ACOT11: variants seen among roughly 807,000 people sequenced by gnomAD.
The protein encoded by ACOT11 is acyl-CoA thioesterase 11, also known as acyl-coenzyme A thioesterase 11.
ACOT11 carries 69 observed loss-of-function variants against 77.5 expected under a neutral mutation model. That is an observed-to-expected ratio of 0.89 (90% confidence interval 0.73 to 1.09). ACOT11 has a LOEUF of 1.09. Ranked by LOEUF, ACOT11 falls within the 50% of genes least tolerant of loss-of-function variation. ACOT11 has a pLI of 0.00. For missense variants in ACOT11, 766 were observed against 813.7 expected (o/e 0.94, Z 0.71); for synonymous variants, 279 against 313.0 (o/e 0.89, Z 1.15).
At chr1:54,586,844 C>T (rs957798347) in intron 3 of ACOT11, among the ~76,000 whole-genome samples, 5 of 152,138 alleles carry the variant, frequency 3.3e-5, no homozygotes, top group African/African-American at 1.2e-4. Context: ...CTTCTGGGAT[C>T]CAAGGAGCAG....
At chr1:54,582,513 CGTG>C in intron 1 of ACOT11, 1 of 985,330 alleles carries the variant, frequency 1.0e-6, no homozygotes, top group South Asian at 4.7e-5. Context: ...TCCTGGCTCC[CGTG>C]GCATAGGGTC....
chr1:54,565,254 G>C (rs746741934), intron 1 of ACOT11, among the ~76,000 whole-genome samples: 5 of 152,194 alleles, frequency 3.3e-5, no homozygotes, highest in Non-Finnish European at 7.3e-5. Flanking sequence ...CTCTTTACCC[G>C]GCAGATCCCA....
intron 1 of ACOT11, among the ~76,000 whole-genome samples, chr1:54,556,947 C>T (rs1569639441): frequency 6.6e-6 from 1 of 151,934 alleles, no homozygotes; most frequent in Non-Finnish European, 1.5e-5. Context: ...CCTCTGTTGC[C>T]CAGGTTGGAG....
Position 54,560,045 on chromosome 1 carries a change from C to G in ACOT11, c.33+11703C>G, listed in dbSNP as rs78059961. On this transcript the variant is annotated intron_variant, in intron 1 of 15. Transcript: ENST00000343744. ...CCTGCCATTCCCAGGGGCAGCCTTG[C>G]GGGTTAGAGGTGACATTGGGGCAGT... 9.8e-5 allele frequency among the ~76,000 whole-genome samples: 15 copies of G among 152,312 alleles called. No homozygotes were observed. In the East Asian group the frequency reaches 2.7e-3, roughly 27 times the overall value.
At chr1:54,550,795 C>T (rs1172881863) in intron 1 of ACOT11, among the ~76,000 whole-genome samples, 1 of 151,848 alleles carries the variant, frequency 6.6e-6, no homozygotes, top group Non-Finnish European at 1.5e-5. Context: ...TGTACTCTAG[C>T]CTGGATGACA....
Position 54,594,557 on chromosome 1 carries a change from T to A in ACOT11, c.473T>A (p.Val158Glu), listed in dbSNP as rs766525787. The change falls in exon 6 of 16, where the codon GTG (valine) becomes GAG (glutamate). Residue 158 changes from valine to glutamate, a missense_variant and splice_region_variant. Transcript: ENST00000343744. ...TFVARREITK[V>E]KLKQITPRTE... ...CCCACCCTGTCCCCTGGCCGACAGG[T>A]GAAGCTGAAGCAGATCACGCCGCGG... 1 of 1,612,316 alleles carries A rather than the reference T, an allele frequency of 6.2e-7. No individual in the cohort carries two copies. Among genetic ancestry groups the A allele is most frequent in the East Asian group, 2.2e-5 (1 of 44,852 alleles).
chr1:54,554,890 C>T (rs1212070844), intron 1 of ACOT11, among the ~76,000 whole-genome samples: 2 of 152,190 alleles, frequency 1.3e-5, no homozygotes, highest in African/African-American at 4.8e-5. Context: ...TTTACATTCC[C>T]ATGAACAGTG....
downstream of ACOT11, chr1:54,610,508 G>C (rs945814392): frequency 6.2e-7 from 1 of 1,613,458 alleles, no homozygotes; most frequent in African/African-American, 1.3e-5. Context: ...TGGAGAAGAG[G>C]GATCAGGCTG....
chr1:54,566,831 A>AT (rs1653752392), intron 1 of ACOT11, among the ~76,000 whole-genome samples: 1 of 151,968 alleles, frequency 6.6e-6, no homozygotes, highest in Non-Finnish European at 1.5e-5. Flanking sequence ...GGATAGTTAG[A>AT]TTTTCTACCT....
chr1:54,597,676 C>T (rs1643905307), intron 7 of ACOT11: 2 of 518,606 alleles, frequency 3.9e-6, no homozygotes, highest in South Asian at 4.7e-5. Flanking sequence ...ACCTGCACTC[C>T]TTCTAGTATC....
At chr1:54,578,386 C>G (rs1054629648) in intron 1 of ACOT11, among the ~76,000 whole-genome samples, 3 of 152,198 alleles carry the variant, frequency 2.0e-5, no homozygotes, top group African/African-American at 4.8e-5. Flanking sequence ...TATGGCAGTG[C>G]AGGCCCCACC....
At chr1:54,587,506 G>A (rs912343425) in intron 3 of ACOT11, among the ~76,000 whole-genome samples, 21 of 149,030 alleles carry the variant, frequency 1.4e-4, no homozygotes, top group African/African-American at 5.2e-4. Flanking sequence ...GGGCAAGAGA[G>A]CGAGCCTCCA....
downstream of ACOT11, among the ~76,000 whole-genome samples, chr1:54,612,181 T>G (rs1216284301): frequency 6.6e-6 from 1 of 151,678 alleles, no homozygotes; most frequent in Non-Finnish European, 1.5e-5. Flanking sequence ...AGGCACAATC[T>G]GTGTAGCCCC....
In ACOT11 at chr1:54,609,535, C is replaced by G; in HGVS notation, c.*423C>G. ...GCCAGAGCCCCTGGCACAACTCTAGCATATCTGTGAGCAGCTGTTCCCTGT... is the reference window on the plus strand; with the variant it reads ...GCCAGAGCCCCTGGCACAACTCTAGGATATCTGTGAGCAGCTGTTCCCTGT... On this transcript the variant is annotated 3_prime_UTR_variant, in exon 16 of 16. Transcript: ENST00000343744. 1 of 1,612,992 alleles carries G rather than the reference C, an allele frequency of 6.2e-7. No individual in the cohort carries two copies. The highest frequency in any genetic ancestry group is 8.5e-7 in the Non-Finnish European group (1 of 1,180,030).
chr1:54,632,133 A>C (rs895629796), intron 16 of ACOT11, among the ~76,000 whole-genome samples: 1 of 152,202 alleles, frequency 6.6e-6, no homozygotes, highest in Non-Finnish European at 1.5e-5. Flanking sequence ...TATGTCCAAA[A>C]TGTAAAAAAG....
At position 54,627,156 on chromosome 1, in the gene ACOT11, C is replaced by T. The variant is rs1243347634; in HGVS notation, c.1630-3578C>T. ...ATAGGCGTGAGCCACTGTACCCAGCCGAGGAAGGCATTCTTATGCCCCTTT... is the reference window on the plus strand; with the variant it reads ...ATAGGCGTGAGCCACTGTACCCAGCTGAGGAAGGCATTCTTATGCCCCTTT... On this transcript the variant is annotated intron_variant, in intron 15 of 16. Coordinates refer to the ACOT11 transcript ENST00000371316. 4.4e-5 allele frequency among the ~76,000 whole-genome samples: 6 copies of T among 135,362 alleles called. 2 individuals are homozygous for T. The highest frequency in any genetic ancestry group is 1.5e-4 in the African/African-American group (6 of 39,726). 88.8% of individuals were successfully genotyped at this position (135,362 alleles called of 152,430 possible).
In ACOT11 at chr1:54,601,842, A is replaced by G. The variant is rs12068259; in HGVS notation, c.1029+429A>G. Reference sequence around the variant, plus strand: ...GGGCGATAGATGCAGTACTGACTCCATGCCTGGCTGCGCCCTGGGAGCGGT... The same window carrying G: ...GGGCGATAGATGCAGTACTGACTCCGTGCCTGGCTGCGCCCTGGGAGCGGT... On this transcript the variant is annotated intron_variant, in intron 9 of 15. Transcript: ENST00000343744. Among the ~76,000 whole-genome samples, 1,368 of 152,340 alleles carry G rather than the reference A, an allele frequency of 9.0e-3. 16 individuals carry two copies. Among genetic ancestry groups the G allele is most frequent in the African/African-American group, 0.031 (1,295 of 41,580 alleles).
intron 1 of ACOT11, among the ~76,000 whole-genome samples, chr1:54,551,651 C>G (rs35616945): frequency 5.9e-5 from 9 of 152,200 alleles, no homozygotes; most frequent in Non-Finnish European, 1.3e-4. Flanking sequence ...CAGGTCAGCT[C>G]TCAGTGGGGC....
Position 54,599,497 on chromosome 1 carries a change from T to C in ACOT11, c.884+82T>C. The stretch of plus-strand genomic sequence containing the variant: ...CCCTAGAAAGGACCCTACTTCAAAC[T>C]GTCCAGGAGCCCTTTGCCCTGCAGA... On this transcript the variant is annotated intron_variant, in intron 8 of 15. Transcript: ENST00000343744. 14 of 1,365,100 alleles carry C rather than the reference T, an allele frequency of 1.0e-5. No individual in the cohort carries two copies. In the South Asian group the frequency reaches 2.2e-4, roughly 22 times the overall value. The allele number at this position is 1,365,100 out of a possible 1,614,324, so 84.6% of individuals were successfully genotyped here. A position where few individuals can be genotyped will look rare whatever the true frequency, so the allele number is the denominator to read the frequency against.
Sources: allele counts gnomAD v4.1 joint callset (sites outside exome capture counted in the v4.1 genomes callset), GRCh38; gene constraint gnomAD v4.1.1; transcripts MANE v1.5; gene names NCBI Gene and HGNC (gene_info 2026-07-23, HGNC 2026-07-21).